Variants in TRABD2B observed in about 807,000 individuals in gnomAD.
TRABD2B encodes the protein TraB domain containing 2B.
In TRABD2B, 14 loss-of-function variants were observed where a neutral mutation model predicts 40.1. The ratio of observed to expected loss-of-function variants is 0.35; its 90% CI spans 0.23 to 0.55. The LOEUF (loss-of-function observed/expected upper bound fraction) is 0.55, where lower values mean the gene tolerates loss of function less well. Ranked by LOEUF, TRABD2B falls within the 20% of genes least tolerant of loss-of-function variation. The pLI is 0.90. For missense variants in TRABD2B, 541 were observed against 648.6 expected (o/e 0.83, Z 1.80); for synonymous variants, 263 against 277.0 (o/e 0.95, Z 0.50).
intron 4 of TRABD2B, among the ~76,000 whole-genome samples, chr1:47,785,869 G>A (rs754798953): frequency 6.6e-6 from 1 of 152,158 alleles, no homozygotes; most frequent in African/African-American, 2.4e-5. Context: ...AGGGCCCCAC[G>A]CCTCCTGAGC....
At chr1:47,988,911 G>C (rs77646803) in intron 2 of TRABD2B, among the ~76,000 whole-genome samples, 1 of 152,356 alleles carries the variant, frequency 6.6e-6, no homozygotes, top group East Asian at 1.9e-4. Context: ...CCAAATGTAT[G>C]TGTCCCTCCA....
intron 2 of TRABD2B, among the ~76,000 whole-genome samples, chr1:47,979,517 G>A (rs1645809711): frequency 6.6e-6 from 1 of 152,182 alleles, no homozygotes; most frequent in Non-Finnish European, 1.5e-5. Context: ...GCTGAGCGAG[G>A]GGAGGGACTT....
In TRABD2B at chr1:47,761,608, A is replaced by G. The variant is rs1350282746; in HGVS notation, c.*4294T>C. 6.6e-6 allele frequency: 1 copy of G among 152,206 alleles called. No individual in the cohort carries two copies. The highest frequency in any genetic ancestry group is 1.5e-5 in the Non-Finnish European group (1 of 68,054). 9.4% of individuals were successfully genotyped at this position (152,206 alleles called of 1,614,324 possible). On this transcript the variant is annotated 3_prime_UTR_variant, in exon 7 of 7. Transcript: ENST00000606738. ...AATTTCTGGAAAAATAACAATGTTC[A>G]TAGAACTTGATCATTGCAGAGCCAG...
chr1:47,958,320 G>C (rs1473796708), intron 2 of TRABD2B, among the ~76,000 whole-genome samples: 1 of 143,960 alleles, frequency 6.9e-6, no homozygotes, highest in Non-Finnish European at 1.5e-5. Flanking sequence ...GAAACAACCA[G>C]CTAACATCAT....
At chr1:47,991,430 C>T (rs1254562253) in intron 2 of TRABD2B, among the ~76,000 whole-genome samples, 1 of 152,068 alleles carries the variant, frequency 6.6e-6, no homozygotes, top group Non-Finnish European at 1.5e-5. Context: ...AGTGACTTGC[C>T]CAAGGTCACA....
intron 4 of TRABD2B, among the ~76,000 whole-genome samples, chr1:47,789,568 C>T (rs1353706242): frequency 6.6e-6 from 1 of 152,132 alleles, no homozygotes; most frequent in Non-Finnish European, 1.5e-5. Context: ...TCTCTTATGT[C>T]AAATAGTCTC....
intron 2 of TRABD2B, among the ~76,000 whole-genome samples, chr1:47,828,479 G>T (rs1645206579): frequency 1.3e-5 from 2 of 152,216 alleles, no homozygotes; most frequent in Non-Finnish European, 2.9e-5. Flanking sequence ...CACGAGGGCC[G>T]CTCAGTCAGC....
intron 2 of TRABD2B, among the ~76,000 whole-genome samples, chr1:47,863,379 T>TATATATATATATATATAC (rs1355427140): frequency 1.8e-5 from 2 of 108,216 alleles, no homozygotes; most frequent in African/African-American, 8.0e-5. Flanking sequence ...ATTTTATATA[T>TATATATATATATATATAC]ATATATATAT....
intron 4 of TRABD2B, among the ~76,000 whole-genome samples, chr1:47,789,336 A>G (rs6588506): frequency 0.62 from 93,867 of 151,926 alleles, 29,199 homozygotes; most frequent in East Asian, 0.78. Flanking sequence ...AGCATCCTCT[A>G]TGTTCCTAGC....
chr1:47,840,373 T>C (rs1331549351), intron 2 of TRABD2B, among the ~76,000 whole-genome samples: 1 of 152,196 alleles, frequency 6.6e-6, no homozygotes, highest in Non-Finnish European at 1.5e-5. Flanking sequence ...AGTAACTTGT[T>C]CAAGGTCACA....
chr1:47,891,527 T>C (rs1644445065), intron 2 of TRABD2B, among the ~76,000 whole-genome samples: 1 of 152,124 alleles, frequency 6.6e-6, no homozygotes, highest in South Asian at 2.1e-4. Flanking sequence ...CCAGGCACGG[T>C]GGTTCATGCC....
At chr1:47,922,265 C>T (rs1644913143) in intron 2 of TRABD2B, among the ~76,000 whole-genome samples, 2 of 152,130 alleles carry the variant, frequency 1.3e-5, no homozygotes, top group Non-Finnish European at 2.9e-5. Context: ...CTATCTCTAC[C>T]AAGAATAACA....
chr1:47,817,325 G>C (rs1645047401), intron 2 of TRABD2B, among the ~76,000 whole-genome samples: 2 of 152,064 alleles, frequency 1.3e-5, no homozygotes, highest in African/African-American at 4.8e-5. Context: ...GTGAACCAGA[G>C]CACTCCCATC....
chr1:47,877,968 C>T (rs1352033153), intron 2 of TRABD2B, among the ~76,000 whole-genome samples: 2 of 150,684 alleles, frequency 1.3e-5, no homozygotes, highest in African/African-American at 4.9e-5. Flanking sequence ...CAGCACTCTG[C>T]ACTCCAGCCT....
intron 2 of TRABD2B, among the ~76,000 whole-genome samples, chr1:47,850,878 G>A (rs1269051499): frequency 1.3e-5 from 2 of 152,220 alleles, no homozygotes; most frequent in Non-Finnish European, 2.9e-5. Flanking sequence ...GGATTAAATT[G>A]TTCCACTTCA....
At chr1:47,853,340 T>C (rs1024998066) in intron 2 of TRABD2B, among the ~76,000 whole-genome samples, 1 of 152,186 alleles carries the variant, frequency 6.6e-6, no homozygotes, top group African/African-American at 2.4e-5. Context: ...CTGGTACATA[T>C]TGGGTCCCAC....
chr1:47,978,753 C>T lies in TRABD2B; in HGVS notation c.666+15281G>A, dbSNP rs750238157. Reference sequence around the variant, plus strand: ...TCAGAGCTGACGCCACTTCACACTGCGGCCCTCTGACGTCCTCGCTCCTCC... The same window carrying T: ...TCAGAGCTGACGCCACTTCACACTGTGGCCCTCTGACGTCCTCGCTCCTCC... On this transcript the variant is annotated intron_variant, in intron 2 of 6. Coordinates refer to ENST00000606738, the MANE Select transcript of TRABD2B (RefSeq NM_001194986.2). 3.3e-4 allele frequency among the ~76,000 whole-genome samples: 50 copies of T among 152,194 alleles called. 1 individual carries two copies. The highest frequency in any genetic ancestry group is 1.4e-3 in the Admixed American group (21 of 15,282).
At chr1:47,931,093 T>A (rs1645034162) in intron 2 of TRABD2B, among the ~76,000 whole-genome samples, 1 of 152,216 alleles carries the variant, frequency 6.6e-6, no homozygotes. Flanking sequence ...CCCCAGCACC[T>A]AAAACAGTTC....
intron 2 of TRABD2B, among the ~76,000 whole-genome samples, chr1:47,835,224 C>T (rs762400580): frequency 1.1e-4 from 17 of 151,810 alleles, no homozygotes; most frequent in Non-Finnish European, 2.2e-4. Flanking sequence ...TGAAGATAGG[C>T]CAATTGGGAT....
Sources: allele counts gnomAD v4.1 joint callset (sites outside exome capture counted in the v4.1 genomes callset), GRCh38; gene constraint gnomAD v4.1.1; transcripts MANE v1.5; gene names NCBI Gene and HGNC (gene_info 2026-07-23, HGNC 2026-07-21).